The following TTC39A variants were observed in gnomAD, a reference collection of about 807,000 sequenced individuals.
The protein encoded by TTC39A is tetratricopeptide repeat protein 39A.
Under a neutral mutation model 82.3 loss-of-function variants are expected in TTC39A, and 46 were observed. The observed-to-expected ratio is 0.56, with a 90% CI of 0.44 to 0.71. TTC39A has a LOEUF of 0.71. Ranked by LOEUF, TTC39A falls within the 30% of genes least tolerant of loss-of-function variation. The pLI, the probability that TTC39A is intolerant of heterozygous loss-of-function variation, is 0.00. For missense variants in TTC39A, 543 were observed against 712.9 expected (o/e 0.76, Z 2.71); for synonymous variants, 254 against 275.2 (o/e 0.92, Z 0.76).
chr1:51,330,619 G>T, upstream of TTC39A: 2 of 983,390 alleles, frequency 2.0e-6, no homozygotes, highest in Non-Finnish European at 2.4e-6. This position sits in a 1 kb window ranked among gnomAD's most constrained non-coding sequence, Gnocchi z 4.5. Flanking sequence ...AAGGCGGCGG[G>T]GCCGGGCCGA....
intron 6 of TTC39A, among the ~76,000 whole-genome samples, chr1:51,307,252 G>A (rs765145734): frequency 1.3e-5 from 2 of 152,180 alleles, no homozygotes; most frequent in East Asian, 1.9e-4. Flanking sequence ...TGGTGACCTC[G>A]TTCTGGCAGC....
intron 5 of TTC39A, among the ~76,000 whole-genome samples, chr1:51,310,148 A>T (rs1243284937): frequency 1.3e-5 from 2 of 152,152 alleles, no homozygotes; most frequent in African/African-American, 4.8e-5. Context: ...GAGGCAGGAA[A>T]ATCGCTTGAA....
At chr1:51,344,465 T>A (rs1646073130) in intron 1 of TTC39A, among the ~76,000 whole-genome samples, 1 of 151,944 alleles carries the variant, frequency 6.6e-6, no homozygotes, top group Admixed American at 6.6e-5. Flanking sequence ...GGGCTCGCCT[T>A]GGAGGAGCTG....
chr1:51,298,282 CCTAT>C (rs1644520507), intron 12 of TTC39A: 1 of 152,336 alleles, frequency 6.6e-6, no homozygotes, highest in Admixed American at 6.5e-5. Flanking sequence ...TTCTAAAGCA[CCTAT>C]CTAAGCCACA....
At chr1:51,309,131 G>A in intron 6 of TTC39A, 130 bp downstream of exon 6, 1 of 1,117,086 alleles carries the variant, frequency 9.0e-7, no homozygotes, top group African/African-American at 1.6e-5. Flanking sequence ...AAATCAGCCT[G>A]CAACAGCAGT....
At chr1:51,337,381 A>G (rs1037798787) in intron 1 of TTC39A, among the ~76,000 whole-genome samples, 17 of 151,438 alleles carry the variant, frequency 1.1e-4, no homozygotes, top group Non-Finnish European at 2.2e-4. Flanking sequence ...TCTCAGCTCA[A>G]ATATCACCTT....
chr1:51,323,483 G>A (rs1645601964), intron 1 of TTC39A, among the ~76,000 whole-genome samples: 1 of 151,950 alleles, frequency 6.6e-6, no homozygotes, highest in African/African-American at 2.4e-5. Context: ...CTTTACCCAG[G>A]TCTGTTGGAA....
chr1:51,330,765 C>G (rs541198680), upstream of TTC39A: 1 of 465,304 alleles, frequency 2.1e-6, no homozygotes, highest in Admixed American at 4.3e-5. The surrounding 1 kb of genome is among the most constrained non-coding windows in gnomAD (Gnocchi z 4.5). Flanking sequence ...GCAGACACCG[C>G]CCGGGCCGGG....
chr1:51,314,326 G>A (rs942137803), intron 2 of TTC39A, among the ~76,000 whole-genome samples: 17 of 152,158 alleles, frequency 1.1e-4, no homozygotes, highest in Admixed American at 5.9e-4. Flanking sequence ...CAGCCTGCCC[G>A]GGTCCCTGCG....
intron 1 of TTC39A, among the ~76,000 whole-genome samples, chr1:51,336,780 G>GGAT (rs1318306165): frequency 6.6e-6 from 1 of 152,150 alleles, no homozygotes; most frequent in Non-Finnish European, 1.5e-5. Context: ...TCTGAAACGG[G>GGAT]GATGATGATG....
chr1:51,301,394 G>C (rs150974870), intron 12 of TTC39A, 178 bp downstream of exon 12: 4 of 724,698 alleles, frequency 5.5e-6, no homozygotes, highest in Admixed American at 3.0e-5. Flanking sequence ...ACACATTGTG[G>C]TTCAGAAGTT....
intron 2 of TTC39A, among the ~76,000 whole-genome samples, chr1:51,318,599 A>G (rs1414315933): frequency 6.6e-6 from 1 of 152,194 alleles, no homozygotes; most frequent in Non-Finnish European, 1.5e-5. Flanking sequence ...TGTGGAAACC[A>G]GTCCCCTGGC....
upstream of TTC39A, chr1:51,330,586 G>T: frequency 5.1e-6 from 5 of 983,088 alleles, no homozygotes; most frequent in Non-Finnish European, 6.0e-6. The surrounding 1 kb of genome is among the most constrained non-coding windows in gnomAD (Gnocchi z 4.5). Flanking sequence ...CGGCGGCCGG[G>T]GAGGGGCGCG....
At position 51,290,648 on chromosome 1, in the gene TTC39A, G is replaced by A. The variant is rs538888793; in HGVS notation, c.1267-23C>T. 5.6e-6 allele frequency: 9 copies of A among 1,597,720 alleles called. No individual in the cohort carries two copies. The South Asian group carries it at 9.0e-5, about 16-fold the overall frequency. ...TTCCTGAAGGCAGGGGGGCAAGTCA[G>A]TCCTAGGTTTCTTCCCTAATGGGGC... On this transcript the variant is annotated intron_variant, in intron 14 of 17. Coordinates refer to ENST00000680483, the MANE Select transcript of TTC39A (RefSeq NM_001297663.2).
intron 5 of TTC39A, among the ~76,000 whole-genome samples, chr1:51,310,428 A>G (rs897163507): frequency 2.6e-5 from 4 of 152,104 alleles, no homozygotes; most frequent in African/African-American, 9.7e-5. Flanking sequence ...AAATAAAACA[A>G]AATTTCATTT....
chr1:51,302,073 T>C (rs1198536870), intron 11 of TTC39A: 1 of 715,914 alleles, frequency 1.4e-6, no homozygotes, highest in East Asian at 2.7e-5. Flanking sequence ...TCCTAACCTC[T>C]GCCTCCCTCA....
At chr1:51,340,863 C>G (rs551801550) in intron 1 of TTC39A, among the ~76,000 whole-genome samples, 1 of 152,154 alleles carries the variant, frequency 6.6e-6, no homozygotes, top group Non-Finnish European at 1.5e-5. Flanking sequence ...TAGAAAGTCT[C>G]AGAATCAGGC....
chr1:51,330,246 G>T lies in TTC39A; in HGVS notation c.41+191C>A, dbSNP rs1645855578. ...ACCGACCCGGGGTCCCCGCGCCTCC[G>T]CCTCCTCACAGCCCCCTGCCCCCAC... is the stretch of plus-strand genomic sequence containing the variant. On this transcript the variant is annotated intron_variant, in intron 1 of 17. Coordinates refer to ENST00000680483, the MANE Select transcript of TTC39A (RefSeq NM_001297663.2). This position sits in a 1 kb window ranked among gnomAD's most constrained non-coding sequence, Gnocchi z 4.5. 5 of 977,368 alleles carry T rather than the reference G, an allele frequency of 5.1e-6. No homozygotes were observed. The highest frequency in any genetic ancestry group is 6.1e-6 in the Non-Finnish European group (5 of 822,790). 60.5% of individuals were successfully genotyped at this position (977,368 alleles called of 1,614,324 possible). A position where few individuals can be genotyped will look rare whatever the true frequency, so the allele number is the denominator to read the frequency against.
intron 6 of TTC39A, among the ~76,000 whole-genome samples, chr1:51,308,480 T>C (rs1420532761): frequency 1.3e-5 from 2 of 152,222 alleles, no homozygotes; most frequent in Non-Finnish European, 2.9e-5. Flanking sequence ...CCTCAGGTGA[T>C]CCACCTGCCT....
Sources: allele counts gnomAD v4.1 joint callset (sites outside exome capture counted in the v4.1 genomes callset), GRCh38; gene constraint gnomAD v4.1.1; non-coding constraint Gnocchi (gnomAD v3.1); transcripts MANE v1.5; gene names NCBI Gene and HGNC (gene_info 2026-07-23, HGNC 2026-07-21).